The following FAM227B variants were observed in gnomAD, a reference collection of about 807,000 sequenced individuals.
The protein encoded by FAM227B is protein FAM227B.
In FAM227B, 88 loss-of-function variants were observed where a neutral mutation model predicts 73.8. That is an observed-to-expected ratio of 1.19 (90% confidence interval 1.00 to 1.42). The LOEUF is 1.42. Among genes scored for constraint, FAM227B ranks in the 40% most tolerant of loss-of-function variants. FAM227B has a pLI of 0.00. For missense variants in FAM227B, 632 were observed against 590.9 expected (o/e 1.07, Z -0.72); for synonymous variants, 210 against 190.5 (o/e 1.10, Z -0.84).
rs555073442 is a variant in FAM227B at position 49,514,547 on chromosome 15, T to C, written c.875-6199A>G. The stretch of plus-strand genomic sequence containing the variant: ...ATAGGGTCATGTTATCTGCAACAGA[T>C]ACGACTTCCTCTCTTCCTACTCCAT... On this transcript the variant is annotated intron_variant, in intron 10 of 15. Coordinates refer to ENST00000299338, the MANE Select transcript of FAM227B (RefSeq NM_152647.3). Among the ~76,000 whole-genome samples the C allele has an allele frequency of 2.8e-4, 43 of 152,146 alleles. No homozygotes were observed. In the South Asian group the frequency reaches 8.9e-3, roughly 32 times the overall value.
chr15:49,557,283 A>G (rs1227879300), intron 9 of FAM227B, among the ~76,000 whole-genome samples: 1 of 151,948 alleles, frequency 6.6e-6, no homozygotes, highest in Admixed American at 6.6e-5. Flanking sequence ...CCATTTTATT[A>G]CTTCTTTGTA....
At chr15:49,354,963 C>A (rs1016379598) in intron 13 of FAM227B, among the ~76,000 whole-genome samples, 5 of 151,886 alleles carry the variant, frequency 3.3e-5, no homozygotes, top group Admixed American at 6.6e-5. Context: ...CTGGGAGGCA[C>A]CCCCCAGCAG....
intron 9 of FAM227B, among the ~76,000 whole-genome samples, chr15:49,564,879 A>C (rs1019311939): frequency 3.9e-5 from 6 of 151,918 alleles, no homozygotes; most frequent in Non-Finnish European, 7.4e-5. Flanking sequence ...TGAAAAACTC[A>C]CTATACTATA....
intron 11 of FAM227B, among the ~76,000 whole-genome samples, chr15:49,402,270 T>C (rs1026497880): frequency 6.6e-6 from 1 of 152,208 alleles, no homozygotes; most frequent in African/African-American, 2.4e-5. Flanking sequence ...GAGAAAGGGC[T>C]ATTTGGGCTC....
At chr15:49,589,321 C>A (rs2076383371) in intron 4 of FAM227B, among the ~76,000 whole-genome samples, 1 of 151,972 alleles carries the variant, frequency 6.6e-6, no homozygotes, top group Non-Finnish European at 1.5e-5. Flanking sequence ...TTGATGCAAT[C>A]TTGCTCTCCT....
chr15:49,489,841 T>TTATATATATATATAATA (rs2056828842), intron 11 of FAM227B, among the ~76,000 whole-genome samples: 1 of 22,998 alleles, frequency 4.3e-5, no homozygotes, highest in Non-Finnish European at 7.5e-5. Context: ...TATATATATT[T>TTATATATATATATAATA]TATATATATA....
chr15:49,353,443 T>C (rs1199831278), intron 13 of FAM227B: 1 of 152,176 alleles, frequency 6.6e-6, no homozygotes, highest in Admixed American at 6.5e-5. Context: ...AAGTCTTTTA[T>C]CTCTACGTTG....
intron 11 of FAM227B, among the ~76,000 whole-genome samples, chr15:49,453,012 G>A (rs1236752894): frequency 6.6e-6 from 1 of 151,968 alleles, no homozygotes; most frequent in Admixed American, 6.6e-5. Context: ...GTTAAAAATT[G>A]TACTGCTAAT....
chr15:49,599,240 T>A (rs570546757), intron 3 of FAM227B, among the ~76,000 whole-genome samples: 1 of 152,204 alleles, frequency 6.6e-6, no homozygotes, highest in East Asian at 1.9e-4. Flanking sequence ...TAATTTCTCA[T>A]GGTAGCCTAC....
chr15:49,547,004 G>A (rs1167373798), intron 9 of FAM227B, among the ~76,000 whole-genome samples: 3 of 152,104 alleles, frequency 2.0e-5, no homozygotes, highest in Non-Finnish European at 4.4e-5. Flanking sequence ...TTGAAATGAA[G>A]GAAAAAATGT....
chr15:49,454,755 G>A (rs1317751737), intron 11 of FAM227B, among the ~76,000 whole-genome samples: 1 of 152,048 alleles, frequency 6.6e-6, no homozygotes, highest in Non-Finnish European at 1.5e-5. Context: ...GATTATAGGC[G>A]CGTGCCACCA....
At chr15:49,411,614 T>C (rs1403077936) in intron 11 of FAM227B, among the ~76,000 whole-genome samples, 4 of 152,102 alleles carry the variant, frequency 2.6e-5, no homozygotes, top group Non-Finnish European at 5.9e-5. Context: ...AGTTTTGAAA[T>C]AGACTTTTAC....
chr15:49,349,976 T>G (rs901217841), intron 13 of FAM227B, among the ~76,000 whole-genome samples: 1 of 152,212 alleles, frequency 6.6e-6, no homozygotes, highest in Non-Finnish European at 1.5e-5. Context: ...ACTTTGTTGG[T>G]AACTTTGTTG....
intron 9 of FAM227B, among the ~76,000 whole-genome samples, chr15:49,565,888 G>T (rs139781284): frequency 4.6e-5 from 7 of 152,140 alleles, no homozygotes; most frequent in Non-Finnish European, 1.0e-4. Context: ...CAGAAGCAGA[G>T]ATTGGAGTGA....
intron 13 of FAM227B, among the ~76,000 whole-genome samples, chr15:49,355,536 G>A (rs1029553023): frequency 2.0e-5 from 3 of 152,070 alleles, no homozygotes; most frequent in African/African-American, 7.2e-5. Flanking sequence ...GGGAAGTTTA[G>A]AGAAAAAAGA....
At chr15:49,560,404 G>C (rs1023229860) in intron 9 of FAM227B, among the ~76,000 whole-genome samples, 1 of 152,074 alleles carries the variant, frequency 6.6e-6, no homozygotes, top group Non-Finnish European at 1.5e-5. Flanking sequence ...ATGAATTACT[G>C]GTATTCCTGA....
chr15:49,420,102 A>G (rs2049494326), intron 11 of FAM227B, among the ~76,000 whole-genome samples: 1 of 152,248 alleles, frequency 6.6e-6, no homozygotes, highest in African/African-American at 2.4e-5. Context: ...AAACTAGCAC[A>G]ACCTCTGTGG....
chr15:49,531,981 G>T (rs961952311), intron 10 of FAM227B, among the ~76,000 whole-genome samples: 10 of 150,320 alleles, frequency 6.7e-5, no homozygotes, highest in Non-Finnish European at 1.2e-4. Context: ...TCCTTGGTGG[G>T]TTACTATATA....
At chr15:49,591,390 CT>C in intron 3 of FAM227B, among the ~76,000 whole-genome samples, 1 of 138,472 alleles carries the variant, frequency 7.2e-6, no homozygotes, top group Non-Finnish European at 1.6e-5. Flanking sequence ...CCTTCCCTCC[CT>C]CCCTCCTTCC....
Sources: gnomAD v4.1 joint callset for allele counts (sites outside exome capture counted in the v4.1 genomes callset) on GRCh38, gnomAD v4.1.1 for gene constraint, MANE v1.5 for transcripts, NCBI Gene and HGNC (gene_info 2026-07-23, HGNC 2026-07-21) for gene names.